Variants in FRMD5 observed in about 807,000 individuals in gnomAD.
The protein encoded by FRMD5 is FERM domain containing 5.
In FRMD5, 20 loss-of-function variants were observed where a neutral mutation model predicts 69.0. That is an observed-to-expected ratio of 0.29 (90% CI 0.20 to 0.42). FRMD5 has a LOEUF of 0.42. Ranked by LOEUF, FRMD5 falls within the 10% of genes least tolerant of loss-of-function variation. The pLI is 1.00. For missense variants in FRMD5, 595 were observed against 708.6 expected (o/e 0.84, Z 1.82); for synonymous variants, 271 against 260.1 (o/e 1.04, Z -0.40).
At chr15:43,910,852 T>A (rs140551890) in intron 4 of FRMD5, among the ~76,000 whole-genome samples, 2 of 152,212 alleles carry the variant, frequency 1.3e-5, no homozygotes, top group East Asian at 3.8e-4. Context: ...TTATTACAGA[T>A]AGAGAAGCTG....
intron 1 of FRMD5, among the ~76,000 whole-genome samples, chr15:44,134,329 G>A (rs1431564402): frequency 2.0e-5 from 3 of 152,150 alleles, no homozygotes; most frequent in Admixed American, 6.5e-5. Flanking sequence ...ATGAGCTAAG[G>A]CTCATGAAAA....
intron 1 of FRMD5, among the ~76,000 whole-genome samples, chr15:44,078,070 G>A (rs1222410681): frequency 1.3e-5 from 2 of 152,108 alleles, no homozygotes; most frequent in East Asian, 3.8e-4. Flanking sequence ...TTGAGAATGG[G>A]TGGGAGGGGA....
chr15:44,139,220 A>G (rs765937044), intron 1 of FRMD5, among the ~76,000 whole-genome samples: 2 of 152,090 alleles, frequency 1.3e-5, no homozygotes, highest in Non-Finnish European at 2.9e-5. Flanking sequence ...AGAAATTTTT[A>G]TAATTATTTA....
intron 1 of FRMD5, among the ~76,000 whole-genome samples, chr15:44,147,113 T>C (rs1007627646): frequency 2.0e-5 from 3 of 152,242 alleles, no homozygotes; most frequent in Admixed American, 6.5e-5. Context: ...AGGGTTTTTA[T>C]AGTTTTGAGT....
intron 1 of FRMD5, among the ~76,000 whole-genome samples, chr15:44,108,061 T>C (rs1046292573): frequency 2.0e-5 from 3 of 152,232 alleles, no homozygotes; most frequent in Non-Finnish European, 2.9e-5. Context: ...TGAGCCCTCA[T>C]ACAGTTTTTG....
At chr15:43,937,376 G>A (rs1482794458) in intron 1 of FRMD5, among the ~76,000 whole-genome samples, 1 of 152,140 alleles carries the variant, frequency 6.6e-6, no homozygotes, top group Non-Finnish European at 1.5e-5. Flanking sequence ...GGCCAGGCGT[G>A]GAGGCTCATG....
chr15:43,984,012 G>T (rs912107963), intron 1 of FRMD5, among the ~76,000 whole-genome samples: 1 of 152,222 alleles, frequency 6.6e-6, no homozygotes, highest in Non-Finnish European at 1.5e-5. Context: ...CCTGTGACAG[G>T]TGAACTCAGG....
intron 1 of FRMD5, among the ~76,000 whole-genome samples, chr15:44,028,496 A>G (rs529909309): frequency 3.3e-5 from 5 of 152,330 alleles, no homozygotes; most frequent in Non-Finnish European, 7.3e-5. Flanking sequence ...AGCCTCCACC[A>G]CAACATGGTG....
intron 1 of FRMD5, among the ~76,000 whole-genome samples, chr15:44,006,959 T>TAC (rs1555393469): frequency 6.6e-6 from 1 of 152,184 alleles, no homozygotes; most frequent in African/African-American, 2.4e-5. Context: ...AAAATGCAGT[T>TAC]AAACAGCATT....
At chr15:44,056,952 C>A (rs1892893559) in intron 1 of FRMD5, among the ~76,000 whole-genome samples, 2 of 152,108 alleles carry the variant, frequency 1.3e-5, no homozygotes, top group African/African-American at 4.8e-5. Flanking sequence ...CCTACCACTT[C>A]CAAACTTGGA....
intron 8 of FRMD5, among the ~76,000 whole-genome samples, chr15:43,889,356 T>C (rs1323450883): frequency 6.6e-6 from 1 of 152,072 alleles, no homozygotes; most frequent in Non-Finnish European, 1.5e-5. Context: ...GGATGGAAAA[T>C]GCAGTTTAAT....
intron 2 of FRMD5, 48 bp downstream of exon 2, chr15:43,924,157 C>T: frequency 1.4e-6 from 2 of 1,392,784 alleles, no homozygotes; most frequent in Non-Finnish European, 2.0e-6. Flanking sequence ...AGACCTCAGT[C>T]TTATTGACTA....
chr15:44,113,375 T>C (rs1032003523), intron 1 of FRMD5, among the ~76,000 whole-genome samples: 7 of 152,228 alleles, frequency 4.6e-5, no homozygotes, highest in African/African-American at 1.7e-4. Flanking sequence ...TGTTACTTAA[T>C]AGCTTTGTTT....
In FRMD5 at chr15:43,873,765, G is replaced by A. The variant is rs1236909791; in HGVS notation, c.*120C>T. The A allele has an allele frequency of 6.5e-7, 1 of 1,531,680 alleles. No individual in the cohort carries two copies. The highest frequency in any genetic ancestry group is 8.7e-7 in the Non-Finnish European group (1 of 1,143,762). 94.9% of individuals were successfully genotyped at this position (1,531,680 alleles called of 1,614,324 possible). ...ACCCTCCTAGGCTGCAGTGGACTTT[G>A]AGTCATGAGAGGAGGACTTGGTATA... is the stretch of plus-strand genomic sequence containing the variant. On this transcript the variant is annotated 3_prime_UTR_variant, in exon 14 of 14. Transcript: ENST00000417257.
chr15:43,915,447 C>T (rs1381078871), intron 4 of FRMD5, among the ~76,000 whole-genome samples: 1 of 152,170 alleles, frequency 6.6e-6, no homozygotes, highest in Non-Finnish European at 1.5e-5. Flanking sequence ...TGTCTTGATT[C>T]ATCCTGTTAA....
At chr15:44,073,905 A>C (rs1893645947) in intron 1 of FRMD5, among the ~76,000 whole-genome samples, 1 of 152,238 alleles carries the variant, frequency 6.6e-6, no homozygotes, top group Admixed American at 6.5e-5. Context: ...ATATATAACT[A>C]GATATAATAC....
chr15:43,939,695 C>CT (rs1278411034), intron 1 of FRMD5, among the ~76,000 whole-genome samples: 18 of 152,250 alleles, frequency 1.2e-4, no homozygotes, highest in African/African-American at 1.7e-4. Flanking sequence ...GTAGCTGTGA[C>CT]TACAGGTATG....
intron 1 of FRMD5, among the ~76,000 whole-genome samples, chr15:44,079,163 A>G (rs984198906): frequency 6.6e-6 from 1 of 152,138 alleles, no homozygotes; most frequent in Non-Finnish European, 1.5e-5. Context: ...ACACGAAAAG[A>G]TATTCAAAAT....
At chr15:43,875,959 C>A in intron 13 of FRMD5, 1 of 1,379,030 alleles carries the variant, frequency 7.3e-7, no homozygotes, top group Non-Finnish European at 1.0e-6. Flanking sequence ...AATGCTGCTT[C>A]TTGAAATGGT....
Sources: allele counts gnomAD v4.1 joint callset (sites outside exome capture counted in the v4.1 genomes callset), GRCh38; gene constraint gnomAD v4.1.1; transcripts MANE v1.5; gene names NCBI Gene and HGNC (gene_info 2026-07-23, HGNC 2026-07-21).